The following TEDC2 variants were observed in gnomAD, a reference collection of about 807,000 sequenced individuals.
The protein encoded by TEDC2 is tubulin epsilon and delta complex protein 2.
In TEDC2, 49 loss-of-function variants were observed where a neutral mutation model predicts 48.1. The ratio of observed to expected loss-of-function variants is 1.02; its 90% CI spans 0.81 to 1.29. The LOEUF (loss-of-function observed/expected upper bound fraction) is 1.29, where lower values mean the gene tolerates loss of function less well. TEDC2 is among the 50% of genes most tolerant of loss of function. TEDC2 has a pLI of 0.00. For synonymous variants in TEDC2, 299 were observed against 247.1 expected (o/e 1.21, Z -1.97); for missense variants, 631 against 571.4 (o/e 1.10, Z -1.06).
intron 2 of TEDC2, 79 bp from the exon 3 acceptor site, chr16:2,460,544 G>A (rs944505914): frequency 6.4e-7 from 1 of 1,568,482 alleles, no homozygotes; most frequent in Non-Finnish European, 8.6e-7. Context: ...GGCCTGCCGC[G>A]GGGCCCGGCG....
At position 2,462,505 on chromosome 16, in the gene TEDC2, A is replaced by T; in HGVS notation, c.841A>T (p.Met281Leu). The T allele has an allele frequency of 6.2e-7, 1 of 1,606,016 alleles. No homozygotes were observed. The highest frequency in any genetic ancestry group is 8.5e-7 in the Non-Finnish European group (1 of 1,176,662). Residue 281 changes from methionine to leucine, a missense_variant, in exon 7 of 10, where the codon ATG becomes TTG. Transcript: ENST00000361837. ...GGCCTGCTCGCTGCTGAGACTGCGC[A>T]TGAGGGAGGAGCTCTCGGCAGGTCA... ...RKACSLLRLR[M>L]REELSAAPMD...
Position 2,460,673 on chromosome 16 carries a change from A to G in TEDC2, c.176A>G (p.Asn59Ser). Residue 59 changes from asparagine (N) to serine (S), a missense_variant, in exon 3 of 10, where the codon AAT (asparagine) becomes AGT (serine). Transcript: ENST00000361837. ...ALKPPPGPET[N>S]GEDPLPACTP... is the part of the protein sequence containing the mutation. ...AAGCCACCTCCAGGGCCAGAAACTA[A>G]TGGAGAGGACCCCCTTCCAGGTAAA... is the stretch of plus-strand genomic sequence containing the variant. The G allele has an allele frequency of 2.5e-6, 4 of 1,612,922 alleles. No homozygotes were observed. In the South Asian group the frequency reaches 3.3e-5, roughly 13 times the overall value.
At position 2,460,741 on chromosome 16, in the gene TEDC2, G is replaced by A. The variant is rs547909249; in HGVS notation, c.196+48G>A. On this transcript the variant is annotated intron_variant, in intron 3 of 9. Transcript: ENST00000361837. ...CTCCAGGTGCTGCTCTGGCCTGTCT[G>A]CTGGCGTGCAGTTGTGAGGAACCCT... 6.4e-5 allele frequency: 103 copies of A among 1,612,382 alleles called. 1 individual carries two copies. The South Asian group carries it at 1.0e-3, about 16-fold the overall frequency.
Position 2,463,290 on chromosome 16 carries a change from C to T in TEDC2, c.964+558C>T, listed in dbSNP as rs147591497. Among the ~76,000 whole-genome samples the T allele has an allele frequency of 1.3e-3, 199 of 151,140 alleles. 3 individuals are homozygous for T. The East Asian group carries it at 0.037, about 28-fold the overall frequency. ...GAGCTGAGATTGCGCCACTGCATTC[C>T]AGCCTGGGCGACAGAGTGAGATGCC... On this transcript the variant is annotated intron_variant, in intron 8 of 9. Transcript: ENST00000361837.
At position 2,460,128 on chromosome 16, in the gene TEDC2, G is replaced by T; in HGVS notation, c.-17G>T. 1 of 1,348,198 alleles carries T rather than the reference G, an allele frequency of 7.4e-7. No homozygotes were observed. Among genetic ancestry groups the T allele is most frequent in the Non-Finnish European group, 9.4e-7 (1 of 1,058,848 alleles). 83.5% of individuals were successfully genotyped at this position (1,348,198 alleles called of 1,614,324 possible). On this transcript the variant is annotated 5_prime_UTR_variant, in exon 1 of 10. Coordinates refer to ENST00000361837, the MANE Select transcript of TEDC2 (RefSeq NM_025108.3). The stretch of plus-strand genomic sequence containing the variant: ...CTCTTCAGAGGCGGCAAATTGCAAG[G>T]AGACGCCGCCGCCTTCATGCTGCCG...
Position 2,464,220 on chromosome 16 carries a change from CT to C in TEDC2, c.1148del (p.Leu383TrpfsTer5). On this transcript the variant is annotated frameshift_variant, in exon 9 of 10. Transcript: ENST00000361837. LOFTEE classifies it low-confidence loss of function (END_TRUNC). ...RVAVLDQQIH[L>X]EKVLMAELLP... ...TGGCTGTGCTGGACCAGCAGATCCA[CT>C]TGGAAAAGGTGCTTCTGGAAGAGGA... The C allele has an allele frequency of 6.2e-7, 1 of 1,611,838 alleles. No homozygotes were observed. Among genetic ancestry groups the C allele is most frequent in the Non-Finnish European group, 8.5e-7 (1 of 1,179,502 alleles).
Position 2,460,614 on chromosome 16 carries a change from T to A in TEDC2, c.126-9T>A, listed in dbSNP as rs2065459854. The stretch of plus-strand genomic sequence containing the variant: ...CCTGGCCGTGCGACGGCTGCCCGTG[T>A]CTTTGCAGGGAACCAACTGGGACCC... On this transcript the variant is annotated splice_polypyrimidine_tract_variant and intron_variant, in intron 2 of 9. Coordinates refer to ENST00000361837, the MANE Select transcript of TEDC2 (RefSeq NM_025108.3). The A allele has an allele frequency of 6.2e-7, 1 of 1,612,640 alleles. No individual in the cohort carries two copies.
At chr16:2,462,847 A>C (rs1163877699) in intron 8 of TEDC2, 115 bp downstream of exon 8, 1 of 987,976 alleles carries the variant, frequency 1.0e-6, no homozygotes, top group Non-Finnish European at 1.5e-6. Context: ...GACCAGATGC[A>C]AGTTGGTGGG....
In TEDC2 at chr16:2,461,140, G is replaced by C; in HGVS notation, c.521G>C (p.Arg174Thr). Residue 174 changes from arginine (R) to threonine (T), a missense_variant, in exon 4 of 10, where the codon AGG becomes ACG. Arg to Thr is a moderately conservative substitution (Grantham distance 71). Transcript: ENST00000361837. ...TRVGMGARTP[R>T]PGAGLRDQQM... ...GTTGGGATGGGAGCCCGAACCCCCA[G>C]GCCTGGGGCGGGCCTCAGGGACCAG... is the stretch of plus-strand genomic sequence containing the variant. 6.5e-7 allele frequency: 1 copy of C among 1,545,000 alleles called. No individual in the cohort carries two copies. Among genetic ancestry groups the C allele is most frequent in the Admixed American group, 2.0e-5 (1 of 51,112 alleles).
chr16:2,463,076 C>T (rs539571405), intron 8 of TEDC2, among the ~76,000 whole-genome samples: 305 of 152,314 alleles, frequency 2.0e-3, no homozygotes, highest in African/African-American at 7.2e-3. Flanking sequence ...AATCCCAGCG[C>T]TTTGGGAGGC....
intron 8 of TEDC2, among the ~76,000 whole-genome samples, chr16:2,463,429 C>A (rs999901887): frequency 6.6e-6 from 1 of 152,122 alleles, no homozygotes; most frequent in Admixed American, 6.6e-5. Context: ...GAGTTCAAGA[C>A]CAGCCTGGCC....
chr16:2,460,606 T>C lies in TEDC2; in HGVS notation c.126-17T>C. On this transcript the variant is annotated splice_polypyrimidine_tract_variant and intron_variant, in intron 2 of 9. Coordinates refer to ENST00000361837, the MANE Select transcript of TEDC2 (RefSeq NM_025108.3). The stretch of plus-strand genomic sequence containing the variant: ...CCCTGCCTCCTGGCCGTGCGACGGC[T>C]GCCCGTGTCTTTGCAGGGAACCAAC... 1 of 1,612,510 alleles carries C rather than the reference T, an allele frequency of 6.2e-7. No homozygotes were observed. The highest frequency in any genetic ancestry group is 8.5e-7 in the Non-Finnish European group (1 of 1,179,768).
chr16:2,462,028 G>T, intron 5 of TEDC2, 121 bp from the exon 6 acceptor site: 1 of 1,188,648 alleles, frequency 8.4e-7, no homozygotes, highest in Non-Finnish European at 1.2e-6. Context: ...ATTCAGCAGA[G>T]CCAGACGCCC....
At position 2,461,741 on chromosome 16, in the gene TEDC2, C is replaced by T. The variant is rs72768720; in HGVS notation, c.606-6C>T. On this transcript the variant is annotated splice_region_variant and splice_polypyrimidine_tract_variant and intron_variant, in intron 4 of 9. Transcript: ENST00000361837. Reference sequence around the variant, plus strand: ...ATGCTCCTCTGAACACGGGCTTCTCCGACAGGCACCTGCTGCGGCTGCCTG... The same window carrying T: ...ATGCTCCTCTGAACACGGGCTTCTCTGACAGGCACCTGCTGCGGCTGCCTG... 36 of 1,613,288 alleles carry T rather than the reference C, an allele frequency of 2.2e-5. No individual in the cohort carries two copies. Among genetic ancestry groups the T allele is most frequent in the Middle Eastern group, 1.6e-4 (1 of 6,062 alleles).
At chr16:2,463,891 C>T in intron 8 of TEDC2, 148 bp from the exon 9 acceptor site, 3 of 867,686 alleles carry the variant, frequency 3.5e-6, no homozygotes, top group Non-Finnish European at 5.2e-6. Flanking sequence ...GCCCAAGACA[C>T]ACCATCTTGC....
intron 4 of TEDC2, 57 bp downstream of exon 4, chr16:2,461,281 G>A: frequency 1.4e-6 from 2 of 1,430,414 alleles, no homozygotes; most frequent in South Asian, 3.2e-5. Context: ...TCAGACCCTG[G>A]CTAGCAAGGA....
intron 8 of TEDC2, among the ~76,000 whole-genome samples, chr16:2,463,275 T>A (rs577292829): frequency 6.6e-6 from 1 of 151,098 alleles, no homozygotes; most frequent in Admixed American, 6.6e-5. Context: ...GAGCTGAGAT[T>A]GCGCCACTGC....
chr16:2,462,940 C>T (rs988955172), intron 8 of TEDC2, among the ~76,000 whole-genome samples: 1 of 152,234 alleles, frequency 6.6e-6, no homozygotes, highest in Non-Finnish European at 1.5e-5. Flanking sequence ...TTCCTCTCCT[C>T]CTCAGGGCAG....
In TEDC2 at chr16:2,464,744, AGAGATGCCT is replaced by A. The variant is rs757140662; in HGVS notation, c.*78_*86del. The A allele has an allele frequency of 1.9e-6, 3 of 1,576,696 alleles. No individual in the cohort carries two copies. The highest frequency in any genetic ancestry group is 2.6e-6 in the Non-Finnish European group (3 of 1,159,886). On this transcript the variant is annotated 3_prime_UTR_variant, in exon 10 of 10. Coordinates refer to ENST00000361837, the MANE Select transcript of TEDC2 (RefSeq NM_025108.3). ...TCCCTGGCACTGTGCTCGGGGACCC[AGAGATGCCT>A]GTGCTTCCCTGGGAAACCTGGTGAA... is the stretch of plus-strand genomic sequence containing the variant.
Sources: allele counts gnomAD v4.1 joint callset (sites outside exome capture counted in the v4.1 genomes callset), GRCh38; gene constraint gnomAD v4.1.1; transcripts MANE v1.5; gene names NCBI Gene and HGNC (gene_info 2026-07-23, HGNC 2026-07-21).